The following CRIM1 variants were observed in gnomAD, a reference collection of about 807,000 sequenced individuals.
CRIM1 encodes cysteine-rich motor neuron 1 protein.
A neutral mutation model predicts 116.4 loss-of-function variants in CRIM1; 32 were observed. The observed-to-expected ratio is 0.27, with a 90% CI of 0.21 to 0.37. CRIM1 has a LOEUF of 0.37. Among genes scored for constraint, CRIM1 ranks in the 10% least tolerant of loss-of-function variants. CRIM1 has a pLI of 1.00. For missense variants in CRIM1, 1,331 were observed against 1,354.8 expected, an observed-to-expected ratio of 0.98 and a Z score of 0.28; for synonymous variants, 590 against 509.2, an observed-to-expected ratio of 1.16 and a Z score of -2.13.
chr2:36,544,629 G>A (rs1204458584), intron 15 of CRIM1, 131 bp downstream of exon 15: 21 of 967,466 alleles, frequency 2.2e-5, no homozygotes, highest in Non-Finnish European at 2.8e-5. Flanking sequence ...ACTATTCCCG[G>A]GCAGACCTGC....
intron 1 of CRIM1, among the ~76,000 whole-genome samples, chr2:36,360,273 T>G (rs1414035855): frequency 1.3e-5 from 2 of 152,150 alleles, no homozygotes; most frequent in Non-Finnish European, 2.9e-5. Flanking sequence ...GACAGAGTGA[T>G]GAGGAACCAG....
intron 2 of CRIM1, among the ~76,000 whole-genome samples, chr2:36,397,366 A>G (rs1672102164): frequency 6.6e-6 from 1 of 152,166 alleles, no homozygotes; most frequent in African/African-American, 2.4e-5. Flanking sequence ...GTACATTCAT[A>G]CATACAACCA....
At chr2:36,524,498 A>G (rs980487422) in intron 13 of CRIM1, among the ~76,000 whole-genome samples, 7 of 152,192 alleles carry the variant, frequency 4.6e-5, no homozygotes, top group African/African-American at 9.7e-5. Flanking sequence ...ACTAAAGGAA[A>G]TAGTTCACAA....
intron 5 of CRIM1, among the ~76,000 whole-genome samples, chr2:36,471,218 A>C (rs1487621128): frequency 6.6e-6 from 1 of 152,208 alleles, no homozygotes; most frequent in Non-Finnish European, 1.5e-5. Flanking sequence ...ATAAAACGAC[A>C]ACCAGGGATT....
At chr2:36,429,467 T>G (rs1291190611) in intron 2 of CRIM1, among the ~76,000 whole-genome samples, 1 of 152,200 alleles carries the variant, frequency 6.6e-6, no homozygotes, top group Non-Finnish European at 1.5e-5. Flanking sequence ...TGGGTTGCTG[T>G]ATGGTATAGA....
chr2:36,466,001 T>C (rs1677984153), intron 5 of CRIM1, among the ~76,000 whole-genome samples: 1 of 151,646 alleles, frequency 6.6e-6, no homozygotes, highest in African/African-American at 2.4e-5. Context: ...TTCTCCTACC[T>C]CAGCCTCCCA....
intron 1 of CRIM1, among the ~76,000 whole-genome samples, chr2:36,387,814 A>G (rs1008044606): frequency 1.3e-5 from 2 of 152,218 alleles, no homozygotes; most frequent in African/African-American, 4.8e-5. Flanking sequence ...TGTCTTAATA[A>G]TCTTTCTCAA....
At chr2:36,361,258 G>A (rs1051452881) in intron 1 of CRIM1, among the ~76,000 whole-genome samples, 3 of 152,162 alleles carry the variant, frequency 2.0e-5, no homozygotes, top group Non-Finnish European at 4.4e-5. Flanking sequence ...CACACATATT[G>A]TACACTGACC....
chr2:36,401,564 C>T (rs1672405256), intron 2 of CRIM1, among the ~76,000 whole-genome samples: 1 of 152,198 alleles, frequency 6.6e-6, no homozygotes, highest in South Asian at 2.1e-4. Flanking sequence ...TCTATAGCGC[C>T]AGCCTCTGCA....
intron 1 of CRIM1, among the ~76,000 whole-genome samples, chr2:36,357,984 A>G (rs1045185302): frequency 6.6e-6 from 1 of 152,172 alleles, no homozygotes; most frequent in African/African-American, 2.4e-5. Flanking sequence ...GTACTTATTT[A>G]TACCTGAATA....
chr2:36,398,886 G>A (rs1381220834), intron 2 of CRIM1, among the ~76,000 whole-genome samples: 6 of 152,160 alleles, frequency 3.9e-5, no homozygotes, highest in South Asian at 2.1e-4. Context: ...TAGTCACGTC[G>A]TTAATAGTGA....
chr2:36,407,402 C>T (rs572591954), intron 2 of CRIM1, among the ~76,000 whole-genome samples: 3 of 152,164 alleles, frequency 2.0e-5, no homozygotes, highest in South Asian at 4.2e-4. Context: ...CTTTTATTTA[C>T]GTTGACAGTT....
chr2:36,408,545 A>G (rs1230764868), intron 2 of CRIM1, among the ~76,000 whole-genome samples: 1 of 152,208 alleles, frequency 6.6e-6, no homozygotes, highest in Non-Finnish European at 1.5e-5. Context: ...ACCACTCCCC[A>G]TGGCAGAGCT....
intron 2 of CRIM1, among the ~76,000 whole-genome samples, chr2:36,425,791 A>G (rs550310815): frequency 6.5e-4 from 99 of 152,362 alleles, no homozygotes; most frequent in African/African-American, 2.3e-3. Context: ...ACGAATAACC[A>G]TGAATTATAC....
At chr2:36,511,223 G>T (rs1664653464) in intron 9 of CRIM1, among the ~76,000 whole-genome samples, 1 of 152,184 alleles carries the variant, frequency 6.6e-6, no homozygotes, top group African/African-American at 2.4e-5. Flanking sequence ...TTACAGGCAT[G>T]AGCCACTGTG....
rs1491290891 is a variant in CRIM1 at position 36,550,949 on chromosome 2, CTT to C, written c.*2251_*2252del. 2 of 152,530 alleles carry C rather than the reference CTT, an allele frequency of 1.3e-5. No individual in the cohort carries two copies. Among genetic ancestry groups the C allele is most frequent in the Non-Finnish European group, 2.9e-5 (2 of 68,020 alleles). 9.4% of individuals were successfully genotyped at this position (152,530 alleles called of 1,614,324 possible). Reference sequence around the variant, plus strand: ...TATCCTGAGTGCTGTATCTATTACTCTTTTACTTTGGTTCCTGTTGTGCTCTT... The same window carrying C: ...TATCCTGAGTGCTGTATCTATTACTCTTACTTTGGTTCCTGTTGTGCTCTT... On this transcript the variant is annotated 3_prime_UTR_variant, in exon 17 of 17. Coordinates refer to ENST00000280527, the MANE Select transcript of CRIM1 (RefSeq NM_016441.3).
At chr2:36,465,268 C>G (rs776101716) in intron 5 of CRIM1, among the ~76,000 whole-genome samples, 1 of 152,202 alleles carries the variant, frequency 6.6e-6, no homozygotes, top group Non-Finnish European at 1.5e-5. Context: ...CTCCCTTTCA[C>G]TTTATATGGG....
At chr2:36,359,442 C>G (rs968684242) in intron 1 of CRIM1, among the ~76,000 whole-genome samples, 2 of 152,138 alleles carry the variant, frequency 1.3e-5, no homozygotes, top group Admixed American at 6.6e-5. Flanking sequence ...TTTTTAACTG[C>G]AGTTCACAAA....
intron 2 of CRIM1, among the ~76,000 whole-genome samples, chr2:36,414,057 T>C (rs912281997): frequency 1.3e-5 from 2 of 152,248 alleles, no homozygotes; most frequent in African/African-American, 4.8e-5. Context: ...CTCCTGAGAC[T>C]GAATAATAGC....
Sources: gnomAD v4.1 joint callset for allele counts (sites outside exome capture counted in the v4.1 genomes callset) on GRCh38, gnomAD v4.1.1 for gene constraint, MANE v1.5 for transcripts, NCBI Gene and HGNC (gene_info 2026-07-23, HGNC 2026-07-21) for gene names.